The following SEL1L3 variants were observed in gnomAD, a reference collection of about 807,000 sequenced individuals.
SEL1L3 encodes the protein SEL1L family member 3, also known as protein sel-1 homolog 3.
Under a neutral mutation model 142.8 loss-of-function variants are expected in SEL1L3, and 76 were observed. The ratio of observed to expected loss-of-function variants is 0.53; its 90% confidence interval spans 0.44 to 0.64. The LOEUF (loss-of-function observed/expected upper bound fraction) is 0.64, where lower values mean the gene tolerates loss of function less well. Among genes scored for constraint, SEL1L3 ranks in the 30% least tolerant of loss-of-function variants. The pLI is 0.00. For synonymous variants in SEL1L3, 504 were observed against 519.6 expected (o/e 0.97, Z 0.41); for missense variants, 1,262 against 1,381.7 (o/e 0.91, Z 1.37).
At chr4:25,850,782 T>C (rs989149753) in intron 1 of SEL1L3, among the ~76,000 whole-genome samples, 2 of 152,188 alleles carry the variant, frequency 1.3e-5, no homozygotes, top group Non-Finnish European at 2.9e-5. Flanking sequence ...GAAAATGGAA[T>C]GATCGCAAAG....
intron 9 of SEL1L3, among the ~76,000 whole-genome samples, chr4:25,807,704 C>T (rs1185000297): frequency 2.6e-5 from 4 of 152,080 alleles, no homozygotes; most frequent in Admixed American, 1.3e-4. Flanking sequence ...CCAAATGAAG[C>T]TTCAAATGAA....
At chr4:25,742,445 G>A (rs950279573), downstream of SEL1L3, among the ~76,000 whole-genome samples, 1 of 151,860 alleles carries the variant, frequency 6.6e-6, no homozygotes, top group Admixed American at 6.6e-5. Context: ...AATCAGGTGC[G>A]TGCCACCACA....
chr4:25,764,133 CA>C (rs1211162717), intron 20 of SEL1L3, among the ~76,000 whole-genome samples: 1 of 152,094 alleles, frequency 6.6e-6, no homozygotes, highest in African/African-American at 2.4e-5. Context: ...TCAATCTATT[CA>C]AGAGAAAACA....
rs143198333 is a variant in SEL1L3 at position 25,789,541 on chromosome 4, C to A, written c.2076+914G>T. Reference sequence around the variant, plus strand: ...TTGAGGCTGCAGTGAGCTATGATCACGCCACTGAGCTTCAGCCTGCCCAAC... The same window carrying A: ...TTGAGGCTGCAGTGAGCTATGATCAAGCCACTGAGCTTCAGCCTGCCCAAC... On this transcript the variant is annotated intron_variant, in intron 12 of 23. Coordinates refer to ENST00000399878, the MANE Select transcript of SEL1L3 (RefSeq NM_015187.5). 5.7e-4 allele frequency among the ~76,000 whole-genome samples: 84 copies of A among 148,328 alleles called. 2 individuals carry two copies. The highest frequency in any genetic ancestry group is 5.4e-3 in the Admixed American group (79 of 14,730).
At chr4:25,820,785 T>A (rs947236175) in intron 7 of SEL1L3, among the ~76,000 whole-genome samples, 1 of 152,246 alleles carries the variant, frequency 6.6e-6, no homozygotes, top group Non-Finnish European at 1.5e-5. Context: ...TTTCTTTTTT[T>A]AATTTTTTTT....
At chr4:25,751,397 G>A (rs1717579058) in intron 23 of SEL1L3, among the ~76,000 whole-genome samples, 1 of 152,144 alleles carries the variant, frequency 6.6e-6, no homozygotes, top group South Asian at 2.1e-4. Context: ...CAAAGATGAC[G>A]GAGTTCCCAG....
downstream of SEL1L3, among the ~76,000 whole-genome samples, chr4:25,746,519 T>TATTTAG (rs1491324731): frequency 1.5e-5 from 2 of 137,790 alleles, no homozygotes; most frequent in African/African-American, 5.5e-5. Flanking sequence ...TATATATATA[T>TATTTAG]ATATATATTT....
intron 16 of SEL1L3, among the ~76,000 whole-genome samples, chr4:25,776,897 CAA>C (rs1174802284): frequency 4.6e-5 from 7 of 151,440 alleles, no homozygotes; most frequent in African/African-American, 1.7e-4. Flanking sequence ...AAAAAAGGCA[CAA>C]AAACCCCCCC....
At chr4:25,731,293 A>G in the SEL1L3 span, among the ~76,000 whole-genome samples, 12 of 152,332 alleles carry the variant, frequency 7.9e-5, no homozygotes, top group South Asian at 2.5e-3. Flanking sequence ...TATTGTATAC[A>G]GAGTAAACTC....
chr4:25,768,844 T>C (rs62411790), intron 17 of SEL1L3, among the ~76,000 whole-genome samples: 7,387 of 152,202 alleles, frequency 0.049, 189 homozygotes, highest in Middle Eastern at 0.071. Flanking sequence ...ACAATGCATC[T>C]TATTTTTGCA....
At chr4:25,783,235 T>C (rs1300510578) in intron 14 of SEL1L3, among the ~76,000 whole-genome samples, 1 of 152,244 alleles carries the variant, frequency 6.6e-6, no homozygotes, top group Non-Finnish European at 1.5e-5. Flanking sequence ...ACTTCTGCCC[T>C]AGAGTTTCTG....
intron 2 of SEL1L3, among the ~76,000 whole-genome samples, chr4:25,841,452 C>T (rs1000130256): frequency 2.0e-5 from 3 of 152,284 alleles, no homozygotes; most frequent in African/African-American, 4.8e-5. Context: ...AACTTTTTTT[C>T]AGTGAATGAA....
At chr4:25,839,019 A>G (rs186316384) in intron 2 of SEL1L3, among the ~76,000 whole-genome samples, 36 of 152,338 alleles carry the variant, frequency 2.4e-4, no homozygotes, top group Non-Finnish European at 1.0e-4. Context: ...GATGGTCTCA[A>G]TGCAAGGAAT....
At chr4:25,787,196 T>C (rs1273920295) in intron 13 of SEL1L3, among the ~76,000 whole-genome samples, 1 of 152,236 alleles carries the variant, frequency 6.6e-6, no homozygotes, top group Non-Finnish European at 1.5e-5. Flanking sequence ...CTCTGTGCCT[T>C]TGTCTCCATG....
intron 19 of SEL1L3, among the ~76,000 whole-genome samples, 163 bp from the exon 20 acceptor site, chr4:25,765,598 G>T (rs545843250): frequency 6.6e-6 from 1 of 152,052 alleles, no homozygotes; most frequent in Non-Finnish European, 1.5e-5. Context: ...AAGCAAAAAG[G>T]CTTTTTGCCC....
At chr4:25,729,735 C>T in the SEL1L3 span, among the ~76,000 whole-genome samples, 12 of 152,106 alleles carry the variant, frequency 7.9e-5, no homozygotes, top group African/African-American at 2.6e-4. Context: ...CAAAACAAAA[C>T]ATATATTTAG....
At chr4:25,782,156 G>T in intron 15 of SEL1L3, 86 bp downstream of exon 15, 1 of 1,180,150 alleles carries the variant, frequency 8.5e-7, no homozygotes, top group Non-Finnish European at 1.2e-6. Context: ...TCTGGGGTTG[G>T]GTCTGGTGCA....
chr4:25,782,205 C>T, intron 15 of SEL1L3, 37 bp downstream of exon 15: 1 of 1,579,208 alleles, frequency 6.3e-7, no homozygotes, highest in Non-Finnish European at 8.7e-7. Flanking sequence ...GATCAAGTGA[C>T]TGACTAGTTG....
chr4:25,725,767 G>A, the SEL1L3 span, among the ~76,000 whole-genome samples: 1 of 152,126 alleles, frequency 6.6e-6, no homozygotes, highest in Non-Finnish European at 1.5e-5. Flanking sequence ...TTAGTTCCAT[G>A]TGGGGTAACT....
Sources: gnomAD v4.1 joint callset for allele counts (sites outside exome capture counted in the v4.1 genomes callset) on GRCh38, gnomAD v4.1.1 for gene constraint, MANE v1.5 for transcripts, NCBI Gene and HGNC (gene_info 2026-07-23, HGNC 2026-07-21) for gene names.